Variants in MRPS18A observed in about 807,000 individuals in gnomAD.
The protein encoded by MRPS18A is large ribosomal subunit protein mL66.
In MRPS18A, 20 loss-of-function variants were observed where a neutral mutation model predicts 22.7. The observed-to-expected ratio is 0.88, with a 90% confidence interval of 0.62 to 1.28. MRPS18A has a LOEUF of 1.28. MRPS18A is among the 50% of genes most tolerant of loss of function. The pLI is 0.00. For synonymous variants in MRPS18A, 106 were observed against 99.1 expected (o/e 1.07, Z -0.41); for missense variants, 294 against 262.6 (o/e 1.12, Z -0.83).
At chr6:43,683,041 C>T (rs138348735) in intron 1 of MRPS18A, among the ~76,000 whole-genome samples, 16 of 152,206 alleles carry the variant, frequency 1.1e-4, no homozygotes, top group African/African-American at 3.9e-4. Flanking sequence ...CATGTGGTTC[C>T]CTGCTTGGTG....
At chr6:43,678,274 G>A (rs1399636617) in intron 3 of MRPS18A, among the ~76,000 whole-genome samples, 2 of 152,294 alleles carry the variant, frequency 1.3e-5, no homozygotes, top group East Asian at 3.9e-4. Context: ...TGCGGTGAAT[G>A]AGACCACATC....
At chr6:43,677,946 G>A (rs1044525264) in intron 3 of MRPS18A, among the ~76,000 whole-genome samples, 15 of 152,110 alleles carry the variant, frequency 9.9e-5, no homozygotes, top group African/African-American at 3.4e-4. Context: ...GAACGACAAG[G>A]TAATGTGTTC....
Position 43,671,642 on chromosome 6 carries a change from G to A in MRPS18A, c.*120C>T. 1 of 1,197,068 alleles carries A rather than the reference G, an allele frequency of 8.4e-7. No homozygotes were observed. The highest frequency in any genetic ancestry group is 2.3e-5 in the East Asian group (1 of 42,594). The allele number at this position is 1,197,068 out of a possible 1,614,324, so 74.2% of individuals were successfully genotyped here. On this transcript the variant is annotated 3_prime_UTR_variant, in exon 6 of 6. Coordinates refer to ENST00000372133, the MANE Select transcript of MRPS18A (RefSeq NM_018135.4). Reference sequence around the variant, plus strand: ...CCACTGTCCCCTGTCCATGCATGTTGGAGGGACCAGGCCATCGTGGTGGGG... The same window carrying A: ...CCACTGTCCCCTGTCCATGCATGTTAGAGGGACCAGGCCATCGTGGTGGGG...
intron 1 of MRPS18A, among the ~76,000 whole-genome samples, chr6:43,684,450 G>C (rs1774581314): frequency 6.6e-6 from 1 of 152,126 alleles, no homozygotes; most frequent in South Asian, 2.1e-4. Flanking sequence ...ACACCTTCCT[G>C]CCTCAAGCCC....
At chr6:43,676,016 T>C (rs1352434840) in intron 3 of MRPS18A, among the ~76,000 whole-genome samples, 1 of 152,094 alleles carries the variant, frequency 6.6e-6, no homozygotes, top group Non-Finnish European at 1.5e-5. Context: ...CGTGCCACCA[T>C]GCCTGGCTAA....
At chr6:43,686,123 A>G (rs900976466) in intron 1 of MRPS18A, among the ~76,000 whole-genome samples, 1 of 152,242 alleles carries the variant, frequency 6.6e-6, no homozygotes, top group Admixed American at 6.5e-5. Flanking sequence ...TCATTTCACA[A>G]ACTCTCCAAA....
At chr6:43,679,962 G>A (rs1253002372) in intron 2 of MRPS18A, among the ~76,000 whole-genome samples, 1 of 152,168 alleles carries the variant, frequency 6.6e-6, no homozygotes, top group Non-Finnish European at 1.5e-5. Flanking sequence ...AGAATCTAGT[G>A]AGGTAGGTGT....
chr6:43,681,006 TG>T (rs1219904690), intron 2 of MRPS18A, 82 bp downstream of exon 2: 4 of 1,359,032 alleles, frequency 2.9e-6, no homozygotes, highest in Non-Finnish European at 4.2e-6. Context: ...GCGTCCAGTT[TG>T]GGCCCCTCCC....
At chr6:43,684,902 AG>A (rs1215217634) in intron 1 of MRPS18A, among the ~76,000 whole-genome samples, 5 of 152,180 alleles carry the variant, frequency 3.3e-5, no homozygotes, top group Admixed American at 3.3e-4. Flanking sequence ...AAGGGCTCTA[AG>A]AGGGATAAGG....
chr6:43,672,501 CT>C, intron 5 of MRPS18A: 1 of 462,668 alleles, frequency 2.2e-6, no homozygotes, highest in South Asian at 1.6e-5. Context: ...CTTTGGCCTC[CT>C]TTGGGGATGG....
chr6:43,682,074 G>T (rs976322329), intron 1 of MRPS18A, among the ~76,000 whole-genome samples: 1 of 152,204 alleles, frequency 6.6e-6, no homozygotes, highest in Non-Finnish European at 1.5e-5. Flanking sequence ...GGCTGAGGCG[G>T]GAAGAAATAC....
At chr6:43,675,646 G>T in intron 3 of MRPS18A, 29 bp from the exon 4 acceptor site, 1 of 1,577,322 alleles carries the variant, frequency 6.3e-7, no homozygotes, top group Non-Finnish European at 8.6e-7. Context: ...AGGGGATGAG[G>T]GTCAGCTGGG....
At position 43,687,758 on chromosome 6, in the gene MRPS18A, C is replaced by G; in HGVS notation, c.22G>C (p.Val8Leu). The G allele has an allele frequency of 6.3e-7, 1 of 1,581,784 alleles. No homozygotes were observed. Among genetic ancestry groups the G allele is most frequent in the Non-Finnish European group, 8.6e-7 (1 of 1,163,770 alleles). MAALKAL[V>L]SGCGRLLRGL... ...CGGAGAAGCCGCCCACAGCCGGACA[C>G]CAGAGCCTTGAGGGCCGCCATCTTC... Residue 8 changes from valine to leucine, a missense_variant, in exon 1 of 6, where the codon GTG becomes CTG. By Grantham distance (32) the Val-to-Leu change is conservative. Transcript: ENST00000372133.
At chr6:43,684,685 T>G (rs560017410) in intron 1 of MRPS18A, among the ~76,000 whole-genome samples, 12 of 152,290 alleles carry the variant, frequency 7.9e-5, no homozygotes, top group African/African-American at 2.6e-4. Context: ...AAAGCTTTTA[T>G]ATGGGACTGC....
chr6:43,681,734 G>A (rs1774426169), intron 1 of MRPS18A, among the ~76,000 whole-genome samples: 1 of 152,140 alleles, frequency 6.6e-6, no homozygotes, highest in South Asian at 2.1e-4. Context: ...TGATGGATGC[G>A]GTAGGAATAA....
chr6:43,676,428 C>T (rs1368882581), intron 3 of MRPS18A, among the ~76,000 whole-genome samples: 1 of 152,130 alleles, frequency 6.6e-6, no homozygotes, highest in East Asian at 1.9e-4. Context: ...GAGGAAGGAA[C>T]CAGGGTTGTG....
intron 2 of MRPS18A, among the ~76,000 whole-genome samples, chr6:43,680,886 C>T (rs1387896058): frequency 1.3e-5 from 2 of 152,214 alleles, no homozygotes; most frequent in Non-Finnish European, 2.9e-5. Flanking sequence ...TAGCAGATAC[C>T]TCAGCCCAGG....
chr6:43,675,152 G>A (rs769201835), intron 5 of MRPS18A, 50 bp downstream of exon 5: 2 of 1,446,868 alleles, frequency 1.4e-6, no homozygotes, highest in South Asian at 2.9e-5. Context: ...GTGCACCCTA[G>A]TTTTCCTGAG....
chr6:43,684,930 C>T (rs1774609261), intron 1 of MRPS18A, among the ~76,000 whole-genome samples: 2 of 152,146 alleles, frequency 1.3e-5, no homozygotes, highest in South Asian at 4.1e-4. Context: ...TGAGATCCAA[C>T]ACAGTCTTTG....
Sources: gnomAD v4.1 joint callset for allele counts (sites outside exome capture counted in the v4.1 genomes callset) on GRCh38, gnomAD v4.1.1 for gene constraint, MANE v1.5 for transcripts, NCBI Gene and HGNC (gene_info 2026-07-23, HGNC 2026-07-21) for gene names.